CADPS: variants seen among roughly 807,000 people sequenced by gnomAD.
CADPS encodes calcium-dependent secretion activator 1.
In CADPS, 57 loss-of-function variants were observed where a neutral mutation model predicts 167.3. The observed-to-expected ratio is 0.34, with a 90% CI of 0.28 to 0.42. The LOEUF (loss-of-function observed/expected upper bound fraction) is 0.42, where lower values mean the gene tolerates loss of function less well. Among genes scored for constraint, CADPS ranks in the 20% least tolerant of loss-of-function variants. The pLI, the probability that CADPS is intolerant of heterozygous loss-of-function variation, is 1.00. For missense variants in CADPS, 1,414 were observed against 1,738.1 expected, an observed-to-expected ratio of 0.81 and a Z score of 3.32; for synonymous variants, 676 against 635.3, an observed-to-expected ratio of 1.06 and a Z score of -0.96.
intron 3 of CADPS, among the ~76,000 whole-genome samples, chr3:62,686,850 T>C (rs1293997604): frequency 6.6e-6 from 1 of 152,122 alleles, no homozygotes; most frequent in Non-Finnish European, 1.5e-5. Flanking sequence ...CCAGAATGCA[T>C]TGGGTAGTTA....
chr3:62,507,129 G>A (rs560259090), intron 17 of CADPS, among the ~76,000 whole-genome samples: 1 of 152,034 alleles, frequency 6.6e-6, no homozygotes, highest in Non-Finnish European at 1.5e-5. Context: ...AAACTTTTAT[G>A]TACATTGCCA....
intron 3 of CADPS, among the ~76,000 whole-genome samples, chr3:62,677,272 T>G (rs952983412): frequency 6.6e-6 from 1 of 151,862 alleles, no homozygotes; most frequent in African/African-American, 2.4e-5. Context: ...TCCTCACCAC[T>G]AGCACCAAAA....
At chr3:62,793,447 T>C (rs304221) in intron 1 of CADPS, among the ~76,000 whole-genome samples, 22,928 of 152,198 alleles carry the variant, frequency 0.15, 3,596 homozygotes, top group African/African-American at 0.4. Flanking sequence ...TTTGAGCTAA[T>C]ATGTGCAGCA....
At chr3:62,553,574 G>A (rs1410888306) in intron 10 of CADPS, among the ~76,000 whole-genome samples, 4 of 152,168 alleles carry the variant, frequency 2.6e-5, no homozygotes, top group Non-Finnish European at 5.9e-5. Flanking sequence ...TCTCTTAAGA[G>A]TCATTATTAA....
chr3:62,795,340 T>G (rs769423250), intron 1 of CADPS, among the ~76,000 whole-genome samples: 2 of 152,078 alleles, frequency 1.3e-5, no homozygotes, highest in Non-Finnish European at 2.9e-5. Flanking sequence ...CCCAGAGTAC[T>G]TACCATTAAA....
At chr3:62,822,258 G>T (rs964810367) in intron 1 of CADPS, among the ~76,000 whole-genome samples, 1 of 152,136 alleles carries the variant, frequency 6.6e-6, no homozygotes, top group African/African-American at 2.4e-5. Flanking sequence ...GTCACTGCGG[G>T]CATTCTTATA....
At chr3:62,748,316 A>T (rs1166587188) in intron 3 of CADPS, among the ~76,000 whole-genome samples, 3 of 132,076 alleles carry the variant, frequency 2.3e-5, no homozygotes, top group African/African-American at 8.6e-5. Flanking sequence ...ACTGCACTCC[A>T]GCCTGGGCGA....
intron 3 of CADPS, among the ~76,000 whole-genome samples, chr3:62,685,185 G>A (rs962932629): frequency 2.6e-5 from 4 of 151,972 alleles, no homozygotes; most frequent in African/African-American, 9.7e-5. Flanking sequence ...CTCTGAATTA[G>A]ATGAAAACGG....
intron 6 of CADPS, among the ~76,000 whole-genome samples, chr3:62,635,635 G>A (rs1203676763): frequency 9.1e-6 from 1 of 109,628 alleles, no homozygotes; most frequent in African/African-American, 3.4e-5. Context: ...TTTACTTTTC[G>A]GGCTTTCTCT....
intron 1 of CADPS, 48 bp from the exon 2 acceptor site, chr3:62,766,032 AG>A: frequency 7.4e-7 from 1 of 1,348,050 alleles, no homozygotes; most frequent in Non-Finnish European, 1.1e-6. Context: ...GTCCTAGACA[AG>A]GATCATGGAT....
At chr3:62,831,901 A>G (rs191788918) in intron 1 of CADPS, among the ~76,000 whole-genome samples, 3 of 152,314 alleles carry the variant, frequency 2.0e-5, no homozygotes, top group Admixed American at 2.0e-4. Context: ...ACAGGTGAGA[A>G]AACAGGGATA....
At chr3:62,867,142 TAGTC>T (rs1324548327) in intron 1 of CADPS, among the ~76,000 whole-genome samples, 1 of 152,126 alleles carries the variant, frequency 6.6e-6, no homozygotes, top group African/African-American at 2.4e-5. Flanking sequence ...GTCAATATCA[TAGTC>T]AGTATCATTA....
At chr3:62,662,522 T>A (rs1260704232) in intron 3 of CADPS, 128 bp from the exon 4 acceptor site, 5 of 732,752 alleles carry the variant, frequency 6.8e-6, no homozygotes, top group Non-Finnish European at 1.1e-5. Context: ...AAAATTCTTA[T>A]AACCGACAAA....
intron 11 of CADPS, among the ~76,000 whole-genome samples, chr3:62,548,253 T>A (rs1432541506): frequency 6.6e-6 from 1 of 152,210 alleles, no homozygotes; most frequent in Non-Finnish European, 1.5e-5. Flanking sequence ...AAACAAATAC[T>A]GGGTATGATT....
At chr3:62,496,361 C>T (rs61568425) in intron 18 of CADPS, among the ~76,000 whole-genome samples, 3,038 of 152,198 alleles carry the variant, frequency 0.02, 80 homozygotes, top group African/African-American at 0.063. Flanking sequence ...GAGCTGTCCA[C>T]GTGATTGCAA....
intron 6 of CADPS, among the ~76,000 whole-genome samples, chr3:62,639,388 G>C (rs79225434): frequency 6.6e-6 from 1 of 152,238 alleles, no homozygotes; most frequent in African/African-American, 2.4e-5. Context: ...GTCAAGACAG[G>C]AAAGGAGCTG....
chr3:62,858,752 T>G (rs890885452), intron 1 of CADPS, among the ~76,000 whole-genome samples: 8 of 152,030 alleles, frequency 5.3e-5, no homozygotes, highest in African/African-American at 1.9e-4. Context: ...ATGTGTTGCT[T>G]GAGTTCAAGG....
chr3:62,715,753 C>CTTTTTTTTTTTTT (rs71123291), intron 3 of CADPS, among the ~76,000 whole-genome samples: 26 of 89,696 alleles, frequency 2.9e-4, no homozygotes, highest in Non-Finnish European at 4.7e-4. Flanking sequence ...GATTATAAAT[C>CTTTTTTTTTTTTT]TTTTTTTTTT....
intron 12 of CADPS, among the ~76,000 whole-genome samples, chr3:62,534,608 A>T (rs1214711758): frequency 6.6e-6 from 1 of 152,216 alleles, no homozygotes; most frequent in Non-Finnish European, 1.5e-5. Context: ...TCTTTTGTAG[A>T]TGCCAAAATA....
Sources: gnomAD v4.1 joint callset for allele counts (sites outside exome capture counted in the v4.1 genomes callset) on GRCh38, gnomAD v4.1.1 for gene constraint, MANE v1.5 for transcripts, NCBI Gene and HGNC (gene_info 2026-07-23, HGNC 2026-07-21) for gene names.